FGF12: variants seen among roughly 807,000 people sequenced by gnomAD.
FGF12 encodes the protein fibroblast growth factor 12, also known as fibroblast growth factor 12B.
Under a neutral mutation model 23.6 loss-of-function variants are expected in FGF12, and 14 were observed. The observed-to-expected ratio is 0.59, with a 90% CI of 0.39 to 0.93. FGF12 has a LOEUF of 0.93. Among genes scored for constraint, FGF12 ranks in the 40% least tolerant of loss-of-function variants. The pLI is 0.00. For synonymous variants in FGF12, 62 were observed against 77.3 expected (o/e 0.80, Z 1.04); for missense variants, 175 against 217.8 (o/e 0.80, Z 1.24).
At chr3:192,492,035 A>G (rs1723816559) in intron 2 of FGF12, among the ~76,000 whole-genome samples, 1 of 152,190 alleles carries the variant, frequency 6.6e-6, no homozygotes, top group Non-Finnish European at 1.5e-5. Context: ...AAGAGTATTC[A>G]TACTACAGAC....
intron 2 of FGF12, among the ~76,000 whole-genome samples, chr3:192,493,311 C>T (rs1282907618): frequency 6.6e-6 from 1 of 152,136 alleles, no homozygotes; most frequent in African/African-American, 2.4e-5. Context: ...AACATTAACT[C>T]TGCATTAGGA....
chr3:192,703,616 C>A (rs1157572822), intron 2 of FGF12, among the ~76,000 whole-genome samples: 1 of 152,184 alleles, frequency 6.6e-6, no homozygotes, highest in Non-Finnish European at 1.5e-5. Context: ...GAACTTCTTT[C>A]AAAACTGGAG....
At chr3:192,496,165 T>C (rs1261707213) in intron 2 of FGF12, among the ~76,000 whole-genome samples, 1 of 152,130 alleles carries the variant, frequency 6.6e-6, no homozygotes, top group Non-Finnish European at 1.5e-5. Flanking sequence ...CGAAGCAAGA[T>C]GAAACATTTA....
chr3:192,528,945 T>C (rs2047001181), intron 2 of FGF12, among the ~76,000 whole-genome samples: 1 of 152,102 alleles, frequency 6.6e-6, no homozygotes, highest in Admixed American at 6.5e-5. Context: ...CTCCTAGTCC[T>C]CTAGGCCTGA....
chr3:192,312,826 C>T (rs960601139), intron 4 of FGF12, among the ~76,000 whole-genome samples: 2 of 151,722 alleles, frequency 1.3e-5, no homozygotes, highest in Non-Finnish European at 2.9e-5. Context: ...TGGCACCTAA[C>T]AATTTAAATA....
intron 2 of FGF12, among the ~76,000 whole-genome samples, chr3:192,627,960 T>C (rs1255093733): frequency 6.6e-6 from 1 of 152,004 alleles, no homozygotes; most frequent in African/African-American, 2.4e-5. Context: ...ACAGGTATCT[T>C]TTATGTTGCC....
chr3:192,242,258 C>T (rs1047676803), intron 4 of FGF12, among the ~76,000 whole-genome samples: 4 of 152,040 alleles, frequency 2.6e-5, no homozygotes, highest in African/African-American at 7.2e-5. Flanking sequence ...TTTTAGCTGC[C>T]AGGATATTTC....
intron 2 of FGF12, among the ~76,000 whole-genome samples, chr3:192,618,967 A>G (rs562162705): frequency 6.6e-6 from 1 of 151,968 alleles, no homozygotes; most frequent in South Asian, 2.1e-4. Flanking sequence ...CATGTTAACC[A>G]CTTAAAATAA....
chr3:192,158,902 C>T, intron 5 of FGF12, among the ~76,000 whole-genome samples: 1 of 152,052 alleles, frequency 6.6e-6, no homozygotes, highest in South Asian at 2.1e-4. Flanking sequence ...GCAGTTCTTA[C>T]CTAAATCTAG....
intron 2 of FGF12, among the ~76,000 whole-genome samples, chr3:192,378,512 A>C (rs1041572603): frequency 5.3e-5 from 8 of 152,306 alleles, no homozygotes; most frequent in African/African-American, 1.7e-4. Flanking sequence ...TTATTCATAA[A>C]CATAATTTTA....
intron 2 of FGF12, among the ~76,000 whole-genome samples, chr3:192,721,993 C>T (rs529838972): frequency 3.3e-5 from 5 of 152,280 alleles, no homozygotes; most frequent in East Asian, 1.9e-4. Flanking sequence ...ATCAACAGCT[C>T]TTGATCCTGT....
chr3:192,666,007 C>A (rs1037626439), intron 2 of FGF12, among the ~76,000 whole-genome samples: 1 of 152,040 alleles, frequency 6.6e-6, no homozygotes, highest in Non-Finnish European at 1.5e-5. Context: ...AAGAAATAAT[C>A]CTTAGTACTT....
intron 2 of FGF12, among the ~76,000 whole-genome samples, chr3:192,628,730 T>C (rs1162220337): frequency 1.3e-5 from 2 of 149,900 alleles, no homozygotes; most frequent in African/African-American, 2.4e-5. Context: ...TAAATACATA[T>C]ATACACATAT....
intron 2 of FGF12, among the ~76,000 whole-genome samples, chr3:192,426,530 A>G (rs966808739): frequency 6.6e-6 from 1 of 152,242 alleles, no homozygotes; most frequent in Non-Finnish European, 1.5e-5. Flanking sequence ...AAATCTGTGT[A>G]GCTCTTCAAA....
intron 2 of FGF12, among the ~76,000 whole-genome samples, chr3:192,569,693 T>C (rs1484270530): frequency 1.3e-5 from 2 of 152,208 alleles, no homozygotes; most frequent in Admixed American, 6.5e-5. Context: ...AAGTTAGTCA[T>C]AGTCACACAA....
intron 4 of FGF12, among the ~76,000 whole-genome samples, chr3:192,321,626 A>G (rs1435170558): frequency 2.0e-5 from 3 of 152,156 alleles, no homozygotes; most frequent in Non-Finnish European, 2.9e-5. Flanking sequence ...ATCATAAGCA[A>G]GAGGGATTTA....
chr3:192,553,586 T>G (rs1300817500), intron 2 of FGF12, among the ~76,000 whole-genome samples: 1 of 152,190 alleles, frequency 6.6e-6, no homozygotes, highest in Non-Finnish European at 1.5e-5. Flanking sequence ...AAATGTCCCT[T>G]GTTAGAAACC....
intron 2 of FGF12, among the ~76,000 whole-genome samples, chr3:192,702,493 C>G (rs1331119664): frequency 6.6e-6 from 1 of 150,680 alleles, no homozygotes; most frequent in Admixed American, 6.6e-5. Flanking sequence ...GGGTAATATT[C>G]ATGCCCAAAT....
chr3:192,726,773 A>G (rs1280665082), intron 2 of FGF12: 2 of 197,396 alleles, frequency 1.0e-5, no homozygotes, highest in South Asian at 1.3e-4. Context: ...TTTTTTTTTT[A>G]GCAATGCATT....
Sources: allele counts gnomAD v4.1 joint callset (sites outside exome capture counted in the v4.1 genomes callset), GRCh38; gene constraint gnomAD v4.1.1; transcripts MANE v1.5; gene names NCBI Gene and HGNC (gene_info 2026-07-23, HGNC 2026-07-21).